The following ZNF730 variants were observed in gnomAD, a reference collection of about 807,000 sequenced individuals.
ZNF730 encodes the protein putative zinc finger protein 730.
ZNF730 carries 12 observed loss-of-function variants against 12.6 expected under a neutral mutation model. That is an observed-to-expected ratio of 0.95 (90% CI 0.61 to 1.54). The LOEUF is 1.54. Ranked by LOEUF, ZNF730 falls within the 40% of genes most tolerant of loss-of-function variation. The probability of loss-of-function intolerance (pLI) is 0.00; values close to 1 mark genes in which losing one functional copy is unlikely to be tolerated. For missense variants in ZNF730, 643 were observed against 583.5 expected (o/e 1.10, Z -1.05); for synonymous variants, 194 against 195.8 (o/e 0.99, Z 0.08).
intron 2 of ZNF730, 105 bp from the exon 3 acceptor site, chr19:23,135,843 G>A: frequency 1.8e-6 from 2 of 1,091,890 alleles, no homozygotes; most frequent in East Asian, 3.0e-5. Context: ...TATTATTTTG[G>A]GGTTAATTTA....
chr19:23,108,629 T>C (rs547955514), intron 1 of ZNF730, among the ~76,000 whole-genome samples: 1 of 152,374 alleles, frequency 6.6e-6, no homozygotes, highest in African/African-American at 2.4e-5. Flanking sequence ...TACAGTAGTT[T>C]TAGTAAGTGT....
intron 1 of ZNF730, among the ~76,000 whole-genome samples, chr19:23,119,494 T>C (rs972375103): frequency 6.6e-6 from 1 of 152,196 alleles, no homozygotes; most frequent in Non-Finnish European, 1.5e-5. Flanking sequence ...TGAAGTTTCC[T>C]TTTTTTGTTT....
chr19:23,114,573 C>T (rs1056730198), upstream of ZNF730, among the ~76,000 whole-genome samples: 76 of 151,654 alleles, frequency 5.0e-4, no homozygotes, highest in South Asian at 2.5e-3. Context: ...AGGATGGTCT[C>T]GATCTCCTGA....
At chr19:23,103,138 G>A (rs1226660169) in intron 1 of ZNF730, among the ~76,000 whole-genome samples, 2 of 152,180 alleles carry the variant, frequency 1.3e-5, no homozygotes, top group Non-Finnish European at 2.9e-5. Context: ...TCCGGCCAGA[G>A]TTGAAATCAT....
upstream of ZNF730, chr19:23,116,886 C>G (rs1599587364): frequency 4.7e-6 from 2 of 429,674 alleles, no homozygotes; most frequent in South Asian, 3.5e-5. Flanking sequence ...TTCATTCAGT[C>G]CAGCATCTGA....
At chr19:23,143,659 T>A (rs1199660595) in intron 3 of ZNF730, 2 of 152,228 alleles carry the variant, frequency 1.3e-5, no homozygotes, top group Non-Finnish European at 2.9e-5. Context: ...TTGGCTATTT[T>A]GGAACATCAT....
intron 1 of ZNF730, among the ~76,000 whole-genome samples, chr19:23,089,229 A>G (rs200509331): frequency 2.0e-5 from 3 of 148,446 alleles, no homozygotes; most frequent in East Asian, 4.0e-4. Flanking sequence ...CTTTTTTCCT[A>G]TTTATTTTTT....
Position 23,136,060 on chromosome 19 carries a change from A to G in ZNF730, c.226+17A>G, listed in dbSNP as rs1462661252. 6.4e-7 allele frequency: 1 copy of G among 1,550,426 alleles called. No homozygotes were observed. The highest frequency in any genetic ancestry group is 2.3e-5 in the East Asian group (1 of 43,338). ...AACCCCCAGGTAGGTGACAGTAAATACAATACACAAAACTGATAAGAGATC... is the reference window on the plus strand; with the variant it reads ...AACCCCCAGGTAGGTGACAGTAAATGCAATACACAAAACTGATAAGAGATC... On this transcript the variant is annotated intron_variant, in intron 3 of 3. Coordinates refer to ENST00000597761, the MANE Select transcript of ZNF730 (RefSeq NM_001277403.2).
upstream of ZNF730, among the ~76,000 whole-genome samples, chr19:23,112,067 G>A (rs1970466972): frequency 6.6e-6 from 1 of 151,864 alleles, no homozygotes. Flanking sequence ...AGAACCCAGA[G>A]ATTGAGTCTG....
intron 1 of ZNF730, among the ~76,000 whole-genome samples, chr19:23,091,559 G>C (rs903880739): frequency 6.6e-5 from 10 of 152,332 alleles, no homozygotes; most frequent in African/African-American, 2.4e-4. Flanking sequence ...GAGCTGTTCC[G>C]GATCATGGGA....
intron 1 of ZNF730, among the ~76,000 whole-genome samples, chr19:23,096,161 G>A (rs1168624956): frequency 6.6e-6 from 1 of 152,084 alleles, no homozygotes; most frequent in Non-Finnish European, 1.5e-5. Context: ...CCCTCAATTA[G>A]GTGAAATGAC....
Position 23,146,926 on chromosome 19 carries a change from A to C in ZNF730, c.*370A>C. 1 of 437,818 alleles carries C rather than the reference A, an allele frequency of 2.3e-6. No homozygotes were observed. The allele number at this position is 437,818 out of a possible 1,614,324, so 27.1% of individuals were successfully genotyped here. A position where few individuals can be genotyped will look rare whatever the true frequency, so the allele number is the denominator to read the frequency against. On this transcript the variant is annotated 3_prime_UTR_variant, in exon 4 of 4. Transcript: ENST00000597761. ...TAACAGTGCTTTTGACAACACCTCAAACTTTTCCAGATGTCAAAGAAATGC... is the reference window on the plus strand; with the variant it reads ...TAACAGTGCTTTTGACAACACCTCACACTTTTCCAGATGTCAAAGAAATGC...
intron 1 of ZNF730, among the ~76,000 whole-genome samples, chr19:23,085,657 C>T (rs1345617063): frequency 6.7e-6 from 1 of 148,318 alleles, no homozygotes; most frequent in Non-Finnish European, 1.5e-5. Context: ...ATTACAGGCT[C>T]CCACCACCAA....
At chr19:23,134,278 C>G in intron 2 of ZNF730, 72 bp downstream of exon 2, 1 of 1,283,356 alleles carries the variant, frequency 7.8e-7, no homozygotes, top group Non-Finnish European at 1.1e-6. Flanking sequence ...AAATTCTGTG[C>G]TTTCAGATCC....
At chr19:23,113,182 A>G (rs1313656235), upstream of ZNF730, among the ~76,000 whole-genome samples, 1 of 152,220 alleles carries the variant, frequency 6.6e-6, no homozygotes, top group African/African-American at 2.4e-5. Context: ...TAGGGGATTA[A>G]TGAACAGGCT....
At chr19:23,078,772 A>G (rs1222692001) in intron 1 of ZNF730, among the ~76,000 whole-genome samples, 1 of 152,086 alleles carries the variant, frequency 6.6e-6, no homozygotes, top group Non-Finnish European at 1.5e-5. Flanking sequence ...TTCAGTCTGA[A>G]GAATAATTTT....
chr19:23,084,798 T>C (rs900871297), intron 1 of ZNF730, among the ~76,000 whole-genome samples: 1 of 152,200 alleles, frequency 6.6e-6, no homozygotes, highest in Non-Finnish European at 1.5e-5. Context: ...GATCTCATTC[T>C]TTTTTATGGC....
chr19:23,126,910 T>C, intron 1 of ZNF730: 1 of 526,362 alleles, frequency 1.9e-6, no homozygotes, highest in Middle Eastern at 3.4e-4. Context: ...AAGTAATATT[T>C]TTAAGGGTCA....
chr19:23,126,745 C>A (rs1226417099), intron 1 of ZNF730: 3 of 401,140 alleles, frequency 7.5e-6, no homozygotes, highest in Non-Finnish European at 9.7e-6. Context: ...TTTTTTTTTT[C>A]AAATTTCTGA....
Sources: allele counts gnomAD v4.1 joint callset (sites outside exome capture counted in the v4.1 genomes callset), GRCh38; gene constraint gnomAD v4.1.1; transcripts MANE v1.5; gene names NCBI Gene and HGNC (gene_info 2026-07-23, HGNC 2026-07-21).